Variants in SOX13 observed in about 807,000 individuals in gnomAD.
SOX13 encodes the protein transcription factor SOX-13.
SOX13 carries 28 observed loss-of-function variants against 71.8 expected under a neutral mutation model. That is an observed-to-expected ratio of 0.39 (90% CI 0.29 to 0.53). The LOEUF is 0.53. SOX13 is among the 20% of genes least tolerant of loss of function. The pLI is 0.70. For missense variants in SOX13, 627 were observed against 810.3 expected, an observed-to-expected ratio of 0.77 and a Z score of 2.75; for synonymous variants, 309 against 317.8, an observed-to-expected ratio of 0.97 and a Z score of 0.29.
At chr1:204,109,238 G>A (rs1314924199) in intron 1 of SOX13, among the ~76,000 whole-genome samples, 1 of 152,208 alleles carries the variant, frequency 6.6e-6, no homozygotes, top group Non-Finnish European at 1.5e-5. Context: ...AGCCTCTGGG[G>A]AACCCTACAC....
Position 204,123,329 on chromosome 1 carries a change from T to C in SOX13, c.1231+121T>C, listed in dbSNP as rs910853333. The C allele has an allele frequency of 1.3e-6, 1 of 796,084 alleles. No individual in the cohort carries two copies. The highest frequency in any genetic ancestry group is 2.2e-6 in the Non-Finnish European group (1 of 460,412). The allele number at this position is 796,084 out of a possible 1,614,324, so 49.3% of individuals were successfully genotyped here. On this transcript the variant is annotated intron_variant, in intron 11 of 13. Coordinates refer to ENST00000367204, the MANE Select transcript of SOX13 (RefSeq NM_005686.3). The surrounding 1 kb of genome is among the most constrained non-coding windows in gnomAD (Gnocchi z 5.0). ...TGGTCTGTTGGGTCCTTTCCAGGTG[T>C]GTGTGCCTCTGCTGTCCCATTATGT...
Position 204,122,116 on chromosome 1 carries a change from C to A in SOX13, c.862-121C>A, listed in dbSNP as rs527552665. ...TGTTCTTGTTCACCCGCTCCTTCTG[C>A]GTCCACTTTTCTGTCTGTCTCCTTG... On this transcript the variant is annotated intron_variant, in intron 8 of 13. Coordinates refer to ENST00000367204, the MANE Select transcript of SOX13 (RefSeq NM_005686.3). 4 of 1,060,154 alleles carry A rather than the reference C, an allele frequency of 3.8e-6. No homozygotes were observed. The East Asian group carries it at 1.0e-4, about 28-fold the overall frequency. The allele number at this position is 1,060,154 out of a possible 1,614,324, so 65.7% of individuals were successfully genotyped here.
At chr1:204,118,150 G>GGT (rs1656731806) in intron 7 of SOX13, 1 of 166,272 alleles carries the variant, frequency 6.0e-6, no homozygotes, top group African/African-American at 2.4e-5. Flanking sequence ...AGCTGGGTGT[G>GGT]GTGGTGCATG....
intron 1 of SOX13, among the ~76,000 whole-genome samples, chr1:204,093,203 G>A (rs554030825): frequency 7.2e-5 from 11 of 152,262 alleles, no homozygotes; most frequent in African/African-American, 2.6e-4. Context: ...ACTGTTTCTC[G>A]AATGCTAGCT....
At position 204,123,856 on chromosome 1, in the gene SOX13, C is replaced by A; in HGVS notation, c.1375+52C>A. On this transcript the variant is annotated intron_variant, in intron 12 of 13. Coordinates refer to ENST00000367204, the MANE Select transcript of SOX13 (RefSeq NM_005686.3). This position sits in a 1 kb window ranked among gnomAD's most constrained non-coding sequence, Gnocchi z 5.0. The stretch of plus-strand genomic sequence containing the variant: ...TTCAGTGTGACCTGGTTGCAGGAGC[C>A]AGCTGGGTCTATTCAGGGCTTGCTT... 6.2e-7 allele frequency: 1 copy of A among 1,600,914 alleles called. No homozygotes were observed. Among genetic ancestry groups the A allele is most frequent in the Non-Finnish European group, 8.6e-7 (1 of 1,169,378 alleles).
chr1:204,123,335 C>A lies in SOX13; in HGVS notation c.1231+127C>A. ...GTTGGGTCCTTTCCAGGTGTGTGTG[C>A]CTCTGCTGTCCCATTATGTGTCTGT... On this transcript the variant is annotated intron_variant, in intron 11 of 13. Coordinates refer to ENST00000367204, the MANE Select transcript of SOX13 (RefSeq NM_005686.3). This position sits in a 1 kb window ranked among gnomAD's most constrained non-coding sequence, Gnocchi z 5.0. 1 of 763,786 alleles carries A rather than the reference C, an allele frequency of 1.3e-6. No homozygotes were observed. Among genetic ancestry groups the A allele is most frequent in the Non-Finnish European group, 2.3e-6 (1 of 438,076 alleles). 47.3% of individuals were successfully genotyped at this position (763,786 alleles called of 1,614,324 possible).
chr1:204,092,217 A>G (rs1343971494), intron 1 of SOX13, among the ~76,000 whole-genome samples: 1 of 152,082 alleles, frequency 6.6e-6, no homozygotes, highest in Non-Finnish European at 1.5e-5. Flanking sequence ...TTGTAGAAAC[A>G]AGGTCTTGCT....
chr1:204,117,221 G>C (rs768987026), intron 6 of SOX13, 31 bp downstream of exon 6: 1 of 1,603,708 alleles, frequency 6.2e-7, no homozygotes, highest in Non-Finnish European at 8.5e-7. Context: ...GAGAGGCACA[G>C]GAGGCAGTTG....
rs1177615372 is a variant in SOX13, at chr1:204,122,362, G to C, written c.987G>C (p.Thr329=). The C allele has an allele frequency of 6.4e-7, 1 of 1,563,222 alleles. No individual in the cohort carries two copies. Among genetic ancestry groups the C allele is most frequent in the Admixed American group, 1.9e-5 (1 of 52,790 alleles). ...VPRPPSHGGP[T]RDLQSSPPSL... ...GCCCCCCCAGCCATGGAGGCCCCAC[G>C]CGGGACCTGCAGTCCAGCCCCCCGA... Residue 329 remains threonine, a synonymous_variant, in exon 9 of 14, where the codon ACG becomes ACC. Transcript: ENST00000367204.
rs765811975 is a variant in SOX13, at chr1:204,112,951, C to G, written c.36C>G (p.Ala12=). 4 of 1,613,572 alleles carry G rather than the reference C, an allele frequency of 2.5e-6. No individual in the cohort carries two copies. Among genetic ancestry groups the G allele is most frequent in the Non-Finnish European group, 3.4e-6 (4 of 1,179,872 alleles). Residue 12 remains alanine (A), a synonymous_variant, in exon 2 of 14, where the codon GCC becomes GCG. Transcript: ENST00000367204. ...SMRSPISAQL[A]LDGVGTMVNC... ...GGAGCCCCATCTCTGCCCAGCTGGC[C>G]CTGGATGGCGTTGGCACCATGGTGA... is the stretch of plus-strand genomic sequence containing the variant.
rs1044807764 is a variant in SOX13, at chr1:204,081,476, G to A, written c.-2+7765G>A. Among the ~76,000 whole-genome samples the A allele has an allele frequency of 8.5e-5, 13 of 152,202 alleles. No homozygotes were observed. Among genetic ancestry groups the A allele is most frequent in the African/African-American group, 3.1e-4 (13 of 41,466 alleles). On this transcript the variant is annotated intron_variant, in intron 1 of 13. Transcript: ENST00000367204. This position sits in a 1 kb window ranked among gnomAD's most constrained non-coding sequence, Gnocchi z 4.3. ...TGCAAATGTGTCAGACTGGGCTGAT[G>A]CCCTTTCACGATGACAACTGAGTGG...
chr1:204,098,491 G>T (rs990312603), intron 1 of SOX13, among the ~76,000 whole-genome samples: 2 of 149,540 alleles, frequency 1.3e-5, no homozygotes, highest in Non-Finnish European at 2.9e-5. Context: ...AAAAAATTTT[G>T]TTGTTGTTGT....
chr1:204,107,218 C>T (rs571848301), intron 1 of SOX13, among the ~76,000 whole-genome samples: 1 of 152,330 alleles, frequency 6.6e-6, no homozygotes, highest in East Asian at 1.9e-4. Flanking sequence ...GATGAGGAGA[C>T]AGGCTAAGGG....
chr1:204,099,456 G>T (rs561263626), intron 1 of SOX13, among the ~76,000 whole-genome samples: 368 of 144,194 alleles, frequency 2.6e-3, no homozygotes, highest in Middle Eastern at 3.6e-3. Context: ...TTGAGACAGG[G>T]TCTCTGTAGC....
chr1:204,117,964 C>G (rs1434643415), intron 7 of SOX13: 1 of 477,514 alleles, frequency 2.1e-6, no homozygotes, highest in African/African-American at 1.9e-5. Context: ...CTCTCCAACT[C>G]TAGTACATTT....
At chr1:204,079,274 C>CT (rs1173651554) in intron 1 of SOX13, among the ~76,000 whole-genome samples, 1 of 150,332 alleles carries the variant, frequency 6.7e-6, no homozygotes, top group African/African-American at 2.5e-5. Flanking sequence ...AGCAAGACTC[C>CT]GTCTCAAAAA....
At chr1:204,104,312 C>A (rs1313336241) in intron 1 of SOX13, among the ~76,000 whole-genome samples, 2 of 152,218 alleles carry the variant, frequency 1.3e-5, no homozygotes, top group South Asian at 2.1e-4. Flanking sequence ...TCTGATACCC[C>A]CCAGGGCTCA....
intron 7 of SOX13, chr1:204,119,481 C>T (rs1656759270): frequency 6.6e-6 from 1 of 152,134 alleles, no homozygotes; most frequent in Non-Finnish European, 1.5e-5. Context: ...GCTCCACCCT[C>T]ATGACCCAGG....
rs747203759 is a variant in SOX13, at chr1:204,121,951, G to A, written c.827G>A (p.Arg276Lys). 1.2e-6 allele frequency: 2 copies of A among 1,611,940 alleles called. No individual in the cohort carries two copies. Among genetic ancestry groups the A allele is most frequent in the Non-Finnish European group, 1.7e-6 (2 of 1,178,204 alleles). The change falls in exon 8 of 14, where the codon AGG becomes AAG. Residue 276 changes from arginine (R) to lysine (K), a missense_variant. Around this residue, in one of 3 missense-constraint regions of SOX13, gnomAD observed 447 missense variants for 532.2 expected, o/e 0.84. Coordinates refer to ENST00000367204, the MANE Select transcript of SOX13 (RefSeq NM_005686.3). ...LHSPPAPVVK[R>K]PGAMATHHPL... The stretch of plus-strand genomic sequence containing the variant: ...AGCCCCCCTGCCCCAGTGGTGAAGA[G>A]GCCTGGGGCCATGGCCACCCACCAC...
Sources: allele counts gnomAD v4.1 joint callset (sites outside exome capture counted in the v4.1 genomes callset), GRCh38; gene constraint gnomAD v4.1.1; regional missense constraint gnomAD v4.1.1; non-coding constraint Gnocchi (gnomAD v3.1); transcripts MANE v1.5; gene names NCBI Gene and HGNC (gene_info 2026-07-23, HGNC 2026-07-21).